PLEKHA8: variants seen among roughly 807,000 people sequenced by gnomAD.
PLEKHA8 encodes pleckstrin homology domain containing A8, also known as pleckstrin homology domain-containing family A member 8.
PLEKHA8 carries 36 observed loss-of-function variants against 68.2 expected under a neutral mutation model. The ratio of observed to expected loss-of-function variants is 0.53; its 90% CI spans 0.40 to 0.70. PLEKHA8 has a LOEUF of 0.70. Ranked by LOEUF, PLEKHA8 falls within the 30% of genes least tolerant of loss-of-function variation. The pLI is 0.00. For missense variants in PLEKHA8, 505 were observed against 615.4 expected (o/e 0.82, Z 1.90); for synonymous variants, 211 against 216.1 (o/e 0.98, Z 0.20).
intron 1 of PLEKHA8, among the ~76,000 whole-genome samples, chr7:30,044,825 G>C (rs1465040658): frequency 6.6e-6 from 1 of 152,196 alleles, no homozygotes; most frequent in Admixed American, 6.5e-5. Context: ...AGAGTCATTA[G>C]TGTACTTGTT....
At chr7:30,036,407 AATAGATAGATAGATAG>A (rs55904639) in intron 1 of PLEKHA8, among the ~76,000 whole-genome samples, 1,662 of 143,398 alleles carry the variant, frequency 0.012, 22 homozygotes, top group African/African-American at 0.022. Flanking sequence ...GATAGGATAG[AATAGATAGATAGATAG>A]ATAGATAGAT....
At chr7:30,089,673 G>A (rs1203345174) in intron 12 of PLEKHA8, among the ~76,000 whole-genome samples, 1 of 152,156 alleles carries the variant, frequency 6.6e-6, no homozygotes, top group Non-Finnish European at 1.5e-5. Flanking sequence ...AAGGGGATGG[G>A]GGTGGAGTGG....
rs796845171 is a variant in PLEKHA8 at position 30,056,312 on chromosome 7, C to CTCTCTCTCTATATA, written c.1039+971_1039+972insCTCTCTCTATATAT. On this transcript the variant is annotated intron_variant, in intron 9 of 13. Transcript: ENST00000449726. The stretch of plus-strand genomic sequence containing the variant: ...TCTCTCTCTCTCTCTCTCTCTCTCT[C>CTCTCTCTCTATATA]TATATATATATATATATATAAATAA... 2.6e-3 allele frequency among the ~76,000 whole-genome samples: 246 copies of CTCTCTCTCTATATA among 94,532 alleles called. 5 individuals are homozygous for CTCTCTCTCTATATA. Among genetic ancestry groups the CTCTCTCTCTATATA allele is most frequent in the South Asian group, 5.8e-3 (15 of 2,602 alleles). The allele number at this position is 94,532 out of a possible 152,430, so 62.0% of individuals were successfully genotyped here.
chr7:30,035,420 G>A (rs1790991289), intron 1 of PLEKHA8, among the ~76,000 whole-genome samples: 1 of 152,122 alleles, frequency 6.6e-6, no homozygotes, highest in African/African-American at 2.4e-5. Flanking sequence ...AGGTTAATTA[G>A]ATCACTGTTT....
At chr7:30,031,107 T>G (rs1790630267) in intron 1 of PLEKHA8, among the ~76,000 whole-genome samples, 1 of 152,230 alleles carries the variant, frequency 6.6e-6, no homozygotes, top group South Asian at 2.1e-4. Flanking sequence ...CACTTGGTCT[T>G]TTGAATCCTT....
Position 30,074,198 on chromosome 7 carries a change from T to G in PLEKHA8, c.1362+66T>G, listed in dbSNP as rs570640905. 114 of 1,410,468 alleles carry G rather than the reference T, an allele frequency of 8.1e-5. 2 individuals are homozygous for G. The highest frequency in any genetic ancestry group is 5.1e-4 in the Admixed American group (29 of 56,794). The allele number at this position is 1,410,468 out of a possible 1,614,324, so 87.4% of individuals were successfully genotyped here. The stretch of plus-strand genomic sequence containing the variant: ...GTATGCCAGTGGCTAGGGCTAGAAA[T>G]CTCTTCTTACCCAGTTATTTATCTA... On this transcript the variant is annotated intron_variant, in intron 13 of 13. Transcript: ENST00000449726.
At chr7:30,039,556 G>A (rs1477413577) in intron 1 of PLEKHA8, among the ~76,000 whole-genome samples, 1 of 152,150 alleles carries the variant, frequency 6.6e-6, no homozygotes, top group African/African-American at 2.4e-5. Flanking sequence ...TTATTCTTAA[G>A]TAGTTTATTC....
intron 5 of PLEKHA8, among the ~76,000 whole-genome samples, chr7:30,050,075 C>T (rs1474537690): frequency 6.6e-6 from 1 of 152,142 alleles, no homozygotes; most frequent in Non-Finnish European, 1.5e-5. Context: ...TACCTTTATA[C>T]CTCTAGTATT....
chr7:30,119,274 A>G (rs887930094), intron 13 of PLEKHA8, among the ~76,000 whole-genome samples: 9 of 152,224 alleles, frequency 5.9e-5, no homozygotes, highest in African/African-American at 1.4e-4. Context: ...CTTTCCATGT[A>G]GGAATCTGCA....
chr7:30,086,723 A>C (rs1795197530), downstream of PLEKHA8, among the ~76,000 whole-genome samples: 1 of 152,218 alleles, frequency 6.6e-6, no homozygotes, highest in African/African-American at 2.4e-5. Context: ...GCAGTAGAGA[A>C]ACTGAAAGAG....
chr7:30,123,967 T>C (rs928845193), intron 13 of PLEKHA8, among the ~76,000 whole-genome samples: 3 of 152,246 alleles, frequency 2.0e-5, no homozygotes, highest in Non-Finnish European at 4.4e-5. Flanking sequence ...TTATATACTT[T>C]TGCTGATTTT....
At chr7:30,037,088 T>C (rs1791158660) in intron 1 of PLEKHA8, among the ~76,000 whole-genome samples, 1 of 152,182 alleles carries the variant, frequency 6.6e-6, no homozygotes, top group Admixed American at 6.5e-5. Flanking sequence ...ACCAAGGCTA[T>C]GGAGGTCAGG....
At chr7:30,043,377 A>C (rs1562857153) in intron 1 of PLEKHA8, among the ~76,000 whole-genome samples, 1 of 152,168 alleles carries the variant, frequency 6.6e-6, no homozygotes, top group Non-Finnish European at 1.5e-5. Context: ...GCTAGTGTAG[A>C]GATAAGGCCT....
intron 9 of PLEKHA8, among the ~76,000 whole-genome samples, chr7:30,059,601 T>C (rs1188299156): frequency 6.6e-6 from 1 of 152,070 alleles, no homozygotes; most frequent in Non-Finnish European, 1.5e-5. Context: ...TATTCTGTTT[T>C]ATTTCCTCTT....
intron 13 of PLEKHA8, among the ~76,000 whole-genome samples, chr7:30,106,738 CA>C (rs1404176209): frequency 6.6e-6 from 1 of 152,166 alleles, no homozygotes; most frequent in African/African-American, 2.4e-5. Flanking sequence ...TTCCAAAATG[CA>C]AAACTTGAAT....
intron 9 of PLEKHA8, among the ~76,000 whole-genome samples, chr7:30,055,955 T>C (rs1792815479): frequency 6.6e-6 from 1 of 150,806 alleles, no homozygotes; most frequent in African/African-American, 2.4e-5. Flanking sequence ...CTTTTTTTTT[T>C]TTTTTGAGAC....
chr7:30,080,827 C>T lies in PLEKHA8; in HGVS notation c.*2040C>T. ...GGGATAGTCCCTGCCCTTGACATAG[C>T]CCCCTAAAACGGAAAAAGAAAAAGC... On this transcript the variant is annotated 3_prime_UTR_variant, in exon 14 of 14. Transcript: ENST00000449726. 2 of 985,286 alleles carry T rather than the reference C, an allele frequency of 2.0e-6. No homozygotes were observed. Among genetic ancestry groups the T allele is most frequent in the East Asian group, 1.1e-4 (1 of 8,812 alleles). The allele number at this position is 985,286 out of a possible 1,614,324, so 61.0% of individuals were successfully genotyped here. A position where few individuals can be genotyped will look rare whatever the true frequency, so the allele number is the denominator to read the frequency against.
At chr7:30,092,715 A>G (rs992451945), downstream of PLEKHA8, among the ~76,000 whole-genome samples, 25 of 152,212 alleles carry the variant, frequency 1.6e-4, no homozygotes, top group African/African-American at 5.8e-4. Context: ...GCCGCCGGTC[A>G]CAGTCCCCAG....
chr7:30,065,372 G>A lies in PLEKHA8; in HGVS notation c.1300+2630G>A, dbSNP rs1018405969. 2.6e-5 allele frequency among the ~76,000 whole-genome samples: 4 copies of A among 152,220 alleles called. No homozygotes were observed. In the South Asian group the frequency reaches 8.3e-4, roughly 32 times the overall value. On this transcript the variant is annotated intron_variant, in intron 12 of 13. Transcript: ENST00000449726. ...CTGCTGCTTAGTATGAGGAGATAAA[G>A]TTCCCCTATTAAACCCACCCTCCCT...
Sources: allele counts gnomAD v4.1 joint callset (sites outside exome capture counted in the v4.1 genomes callset), GRCh38; gene constraint gnomAD v4.1.1; transcripts MANE v1.5; gene names NCBI Gene and HGNC (gene_info 2026-07-23, HGNC 2026-07-21).